The following SNX29 variants were observed in gnomAD, a reference collection of about 807,000 sequenced individuals.
SNX29 encodes sorting nexin 29, also known as sorting nexin-29.
SNX29 carries 78 observed loss-of-function variants against 102.1 expected under a neutral mutation model. That is an observed-to-expected ratio of 0.76 (90% CI 0.64 to 0.92). The LOEUF (loss-of-function observed/expected upper bound fraction) is 0.92. Ranked by LOEUF, SNX29 falls within the 40% of genes least tolerant of loss-of-function variation. The pLI, the probability that SNX29 is intolerant of heterozygous loss-of-function variation, is 0.00. For missense variants in SNX29, 1,280 were observed against 1,061.7 expected (o/e 1.21, Z -2.86); for synonymous variants, 580 against 414.5 (o/e 1.40, Z -4.85).
intron 14 of SNX29, among the ~76,000 whole-genome samples, chr16:12,262,827 C>A (rs1190077429): frequency 6.6e-6 from 1 of 152,216 alleles, no homozygotes; most frequent in African/African-American, 2.4e-5. Flanking sequence ...TCCGTGTATT[C>A]ACAGAGTTGT....
intron 13 of SNX29, among the ~76,000 whole-genome samples, chr16:12,177,200 C>T (rs2076280014): frequency 6.6e-6 from 1 of 152,176 alleles, no homozygotes; most frequent in Non-Finnish European, 1.5e-5. Context: ...GATCCTCCCA[C>T]CTCAGCCTCC....
At chr16:12,468,704 G>T (rs553650945) in intron 18 of SNX29, among the ~76,000 whole-genome samples, 1 of 152,202 alleles carries the variant, frequency 6.6e-6, no homozygotes, top group Non-Finnish European at 1.5e-5. Context: ...GGCCCAGCCC[G>T]GAGCTTGGTA....
intron 11 of SNX29, among the ~76,000 whole-genome samples, chr16:12,110,188 T>C (rs970704699): frequency 1.3e-5 from 2 of 152,072 alleles, no homozygotes; most frequent in Non-Finnish European, 2.9e-5. Flanking sequence ...CAAATGGCTC[T>C]CAGATGACTC....
rs533075601 is a variant in SNX29, at chr16:12,145,811, A to G, written c.1595+16053A>G. Among the ~76,000 whole-genome samples, 4 of 152,354 alleles carry G rather than the reference A, an allele frequency of 2.6e-5. No homozygotes were observed. The South Asian group carries it at 8.3e-4, about 32-fold the overall frequency. ...GCTTTGTGGAGTTCTGTGTTTGGAT[A>G]TGTCCTTGTTTCTCACATCATTTTT... On this transcript the variant is annotated intron_variant, in intron 13 of 20. Transcript: ENST00000566228.
chr16:12,304,641 C>T (rs919327074), intron 15 of SNX29, among the ~76,000 whole-genome samples: 1 of 152,236 alleles, frequency 6.6e-6, no homozygotes, highest in African/African-American at 2.4e-5. Flanking sequence ...GATCCACCTG[C>T]CTTGGCCTCC....
At chr16:12,480,216 T>A (rs2087843576) in intron 19 of SNX29, among the ~76,000 whole-genome samples, 1 of 152,126 alleles carries the variant, frequency 6.6e-6, no homozygotes, top group Non-Finnish European at 1.5e-5. Context: ...ATTCGAGAGG[T>A]CAGAAGTCCA....
chr16:12,257,457 T>C (rs904097014), intron 14 of SNX29, among the ~76,000 whole-genome samples: 1 of 152,098 alleles, frequency 6.6e-6, no homozygotes, highest in African/African-American at 2.4e-5. Flanking sequence ...CACAGCATCT[T>C]TGGGGCATGG....
intron 19 of SNX29, among the ~76,000 whole-genome samples, chr16:12,483,750 G>C (rs1484372274): frequency 6.6e-6 from 1 of 152,192 alleles, no homozygotes; most frequent in Non-Finnish European, 1.5e-5. Context: ...TCTGGGCTCT[G>C]CTCATCACAG....
chr16:12,473,702 G>A (rs1050683197), intron 18 of SNX29, among the ~76,000 whole-genome samples: 2 of 152,182 alleles, frequency 1.3e-5, no homozygotes, highest in African/African-American at 2.4e-5. Context: ...GATTAAACAG[G>A]TTGCAGTAAA....
chr16:12,478,595 G>C (rs1188802118), intron 19 of SNX29, among the ~76,000 whole-genome samples: 1 of 152,182 alleles, frequency 6.6e-6, no homozygotes, highest in East Asian at 1.9e-4. Context: ...GCAAGGGGCT[G>C]GGTTCAGCCC....
chr16:11,983,711 G>C (rs1596524190), intron 1 of SNX29: 7 of 985,298 alleles, frequency 7.1e-6, no homozygotes, highest in Non-Finnish European at 8.4e-6. Flanking sequence ...TTGACTCCAG[G>C]TAACTGATAG....
intron 8 of SNX29, among the ~76,000 whole-genome samples, chr16:12,054,375 A>G (rs1442230216): frequency 1.3e-5 from 2 of 152,220 alleles, no homozygotes; most frequent in African/African-American, 2.4e-5. Flanking sequence ...CCCAGATTGA[A>G]TATTCTGCTT....
intron 18 of SNX29, among the ~76,000 whole-genome samples, chr16:12,476,413 C>CATATATATATATAT (rs61390803): frequency 5.1e-5 from 1 of 19,524 alleles, no homozygotes; most frequent in Non-Finnish European, 9.6e-5. Context: ...TATATATATA[C>CATATATATATATAT]ATATATATAT....
chr16:12,208,711 C>T (rs1321171067), intron 14 of SNX29, among the ~76,000 whole-genome samples: 2 of 152,056 alleles, frequency 1.3e-5, no homozygotes, highest in Non-Finnish European at 2.9e-5. Context: ...TGTGCTGGTG[C>T]GTGCCTGTAG....
rs937840192 is a variant in SNX29, at chr16:12,569,568, C to T, written c.*939C>T. 4.3e-6 allele frequency: 1 copy of T among 230,730 alleles called. No homozygotes were observed. 14.3% of individuals were successfully genotyped at this position (230,730 alleles called of 1,614,324 possible). A position where few individuals can be genotyped will look rare whatever the true frequency, so the allele number is the denominator to read the frequency against. On this transcript the variant is annotated 3_prime_UTR_variant, in exon 21 of 21. Coordinates refer to ENST00000566228, the MANE Select transcript of SNX29 (RefSeq NM_032167.5). ...ACACTTAACAGATCATGTGTCTCTC[C>T]ACTAAAAACATTTTCCATCCCGTCT...
At chr16:12,003,173 T>A in intron 3 of SNX29, 130 bp downstream of exon 3, 1 of 1,118,978 alleles carries the variant, frequency 8.9e-7, no homozygotes, top group Non-Finnish European at 1.3e-6. Context: ...GGGCTCTGCC[T>A]CTGCAGCCAA....
intron 9 of SNX29, among the ~76,000 whole-genome samples, chr16:12,068,314 CAA>C (rs767382504): frequency 1.3e-5 from 2 of 149,310 alleles, no homozygotes; most frequent in Non-Finnish European, 3.0e-5. Flanking sequence ...CCCATCTCTA[CAA>C]AAAAAAATAA....
At chr16:12,381,383 CCACCCACTCATCATCCATCCACT>C in intron 16 of SNX29, among the ~76,000 whole-genome samples, 1 of 108,510 alleles carries the variant, frequency 9.2e-6, no homozygotes. Context: ...CATCATCCAC[CCACCCACTCATCATCCATCCACT>C]CACCCACCCA....
intron 1 of SNX29, among the ~76,000 whole-genome samples, chr16:11,984,677 A>G (rs565321150): frequency 6.6e-6 from 1 of 151,756 alleles, no homozygotes; most frequent in East Asian, 1.9e-4. Context: ...CTTTTGAGAC[A>G]GGGTTTTGCT....
Sources: gnomAD v4.1 joint callset for allele counts (sites outside exome capture counted in the v4.1 genomes callset) on GRCh38, gnomAD v4.1.1 for gene constraint, MANE v1.5 for transcripts, NCBI Gene and HGNC (gene_info 2026-07-23, HGNC 2026-07-21) for gene names.